The following HELQ variants were observed in gnomAD, a reference collection of about 807,000 sequenced individuals.
HELQ encodes the protein helicase, POLQ like, also known as helicase POLQ-like.
In HELQ, 77 loss-of-function variants were observed where a neutral mutation model predicts 111.6. The ratio of observed to expected loss-of-function variants is 0.69; its 90% CI spans 0.57 to 0.83. HELQ has a LOEUF of 0.83. HELQ is among the 40% of genes least tolerant of loss of function. The probability of loss-of-function intolerance (pLI) is 0.00; values close to 1 mark genes in which losing one functional copy is unlikely to be tolerated. For synonymous variants in HELQ, 438 were observed against 454.7 expected, an observed-to-expected ratio of 0.96 and a Z score of 0.47; for missense variants, 1,200 against 1,288.5, an observed-to-expected ratio of 0.93 and a Z score of 1.05.
intron 15 of HELQ, among the ~76,000 whole-genome samples, chr4:83,419,226 C>T (rs1323820727): frequency 2.0e-5 from 3 of 147,624 alleles, no homozygotes; most frequent in Non-Finnish European, 3.0e-5. Flanking sequence ...TGGCTCAAGA[C>T]GATTCTTCTT....
intron 9 of HELQ, 48 bp from the exon 10 acceptor site, chr4:83,432,315 TA>T: frequency 7.3e-7 from 1 of 1,361,350 alleles, no homozygotes; most frequent in Non-Finnish European, 9.6e-7. Context: ...AGCACCAATT[TA>T]AAAAATTCTT....
chr4:83,433,438 G>A (rs975194105), intron 9 of HELQ, among the ~76,000 whole-genome samples: 1 of 151,962 alleles, frequency 6.6e-6, no homozygotes, highest in Non-Finnish European at 1.5e-5. Flanking sequence ...GAGGCTGAGG[G>A]GGGCGGATCA....
Position 83,453,953 on chromosome 4 carries a change from G to T in HELQ, c.298-8C>A. 1 of 1,539,562 alleles carries T rather than the reference G, an allele frequency of 6.5e-7. No homozygotes were observed. Among genetic ancestry groups the T allele is most frequent in the Non-Finnish European group, 8.9e-7 (1 of 1,124,406 alleles). On this transcript the variant is annotated splice_region_variant and splice_polypyrimidine_tract_variant and intron_variant, in intron 1 of 17. Transcript: ENST00000295488. ...CACTTCACTGTCATTAGGCTGCAAA[G>T]AGAACAAAAACGCTTATGGTCAATT...
intron 13 of HELQ, among the ~76,000 whole-genome samples, chr4:83,427,304 AT>A (rs1159016709): frequency 1.3e-5 from 2 of 152,334 alleles, no homozygotes; most frequent in African/African-American, 4.8e-5. Flanking sequence ...AAAGAAAAAA[AT>A]ATCCAATTCC....
chr4:83,442,346 T>C (rs1205350106), intron 6 of HELQ, among the ~76,000 whole-genome samples: 10 of 149,004 alleles, frequency 6.7e-5, no homozygotes, highest in Admixed American at 4.7e-4. Flanking sequence ...CAGCTTACTG[T>C]ATCCTCAACC....
At position 83,439,884 on chromosome 4, in the gene HELQ, A is replaced by C; in HGVS notation, c.1787T>G (p.Met596Arg). The C allele has an allele frequency of 6.3e-7, 1 of 1,591,028 alleles. No individual in the cohort carries two copies. The highest frequency in any genetic ancestry group is 8.6e-7 in the Non-Finnish European group (1 of 1,163,670). ...SKKNCENVAEMICKFLSKEYL... is the reference protein window; with the variant it reads ...SKKNCENVAERICKFLSKEYL... ...ATACTTGCTTAAAAATTTGCATATCATTTCTGCTACATTTTCACAGTTCTT... is the reference window on the plus strand; with the variant it reads ...ATACTTGCTTAAAAATTTGCATATCCTTTCTGCTACATTTTCACAGTTCTT... The change falls in exon 8 of 18, where the codon ATG (methionine) becomes AGG (arginine). Residue 596 changes from methionine (M) to arginine (R), a missense_variant. Transcript: ENST00000295488.
Position 83,449,154 on chromosome 4 carries a change from C to T in HELQ, c.1013-193G>A, listed in dbSNP as rs113510001. On this transcript the variant is annotated intron_variant, in intron 2 of 17. Coordinates refer to ENST00000295488, the MANE Select transcript of HELQ (RefSeq NM_133636.5). The stretch of plus-strand genomic sequence containing the variant: ...ACAGCCAGTGAGAGCCTAGTTCAGG[C>T]CTAGGCAGCAAGGTGGGCAACCAGC... Among the ~76,000 whole-genome samples, 706 of 152,300 alleles carry T rather than the reference C, an allele frequency of 4.6e-3. 7 individuals are homozygous for T. Among genetic ancestry groups the T allele is most frequent in the African/African-American group, 0.016 (672 of 41,554 alleles).
intron 11 of HELQ, among the ~76,000 whole-genome samples, chr4:83,430,584 T>C (rs1720089567): frequency 6.6e-6 from 1 of 152,184 alleles, no homozygotes; most frequent in African/African-American, 2.4e-5. Context: ...TATACTAAAA[T>C]ATAGTCAATC....
intron 8 of HELQ, among the ~76,000 whole-genome samples, chr4:83,438,748 G>GAAAAA (rs200715200): frequency 3.8e-4 from 40 of 104,256 alleles, no homozygotes; most frequent in African/African-American, 1.4e-3. Flanking sequence ...CCTGTCTCAG[G>GAAAAA]AAAAAAAAAA....
chr4:83,451,585 G>A (rs566399374), intron 2 of HELQ, among the ~76,000 whole-genome samples: 7 of 151,836 alleles, frequency 4.6e-5, no homozygotes, highest in Non-Finnish European at 7.4e-5. Flanking sequence ...AAAATGGCGC[G>A]AACCCAGGAG....
At chr4:83,450,540 C>T (rs923518296) in intron 2 of HELQ, among the ~76,000 whole-genome samples, 2 of 151,844 alleles carry the variant, frequency 1.3e-5, no homozygotes, top group Non-Finnish European at 2.9e-5. Context: ...ATTGGTATCA[C>T]CCGAGTTATC....
At chr4:83,440,515 T>C (rs1720706084) in intron 7 of HELQ, among the ~76,000 whole-genome samples, 1 of 152,230 alleles carries the variant, frequency 6.6e-6, no homozygotes, top group Non-Finnish European at 1.5e-5. Flanking sequence ...AGAAAAAATG[T>C]GAAGTTATTT....
chr4:83,437,043 C>T lies in HELQ; in HGVS notation c.1863G>A (p.Lys621=). The T allele has an allele frequency of 3.1e-6, 5 of 1,613,812 alleles. No homozygotes were observed. Among genetic ancestry groups the T allele is most frequent in the Non-Finnish European group, 4.2e-6 (5 of 1,179,810 alleles). ...KEKCEVIKNL[K]NIGNGNLCPV... ...GACACAGGTTGCCATTGCCAATATT[C>T]TTCAAGTTCTTAATCACCTCACATT... The change falls in exon 9 of 18, where the codon AAG becomes AAA. Residue 621 remains lysine, a synonymous_variant. Transcript: ENST00000295488.
intron 7 of HELQ, among the ~76,000 whole-genome samples, chr4:83,440,732 T>C (rs1038810965): frequency 3.3e-5 from 5 of 152,228 alleles, no homozygotes; most frequent in African/African-American, 1.2e-4. Context: ...TTGTTGTTGT[T>C]GTTGTATGAA....
chr4:83,455,126 T>C, intron 1 of HELQ: 2 of 466,248 alleles, frequency 4.3e-6, no homozygotes, highest in Non-Finnish European at 7.5e-6. Flanking sequence ...GCAGATTTTA[T>C]TTGTACAGTA....
chr4:83,432,917 G>A (rs1327407402), intron 9 of HELQ, among the ~76,000 whole-genome samples: 1 of 151,948 alleles, frequency 6.6e-6, no homozygotes, highest in African/African-American at 2.4e-5. Flanking sequence ...AAAACTGGCT[G>A]GGCATGGTAG....
chr4:83,428,106 T>C (rs1719942937), intron 12 of HELQ, among the ~76,000 whole-genome samples: 1 of 152,152 alleles, frequency 6.6e-6, no homozygotes, highest in Non-Finnish European at 1.5e-5. Flanking sequence ...AAAAATGAGA[T>C]AGATTTAAAG....
intron 4 of HELQ, 146 bp from the exon 5 acceptor site, chr4:83,446,232 T>C (rs1246877888): frequency 5.1e-6 from 3 of 592,772 alleles, no homozygotes; most frequent in Non-Finnish European, 8.9e-6. Context: ...AATACATGTA[T>C]ATTATTTCAC....
At chr4:83,450,222 T>TAAAAAAAAAAAAAAAAAAAAAAA (rs71668650) in intron 2 of HELQ, among the ~76,000 whole-genome samples, 3 of 45,608 alleles carry the variant, frequency 6.6e-5, no homozygotes, top group Admixed American at 4.4e-4. Context: ...CAGTTAAGTT[T>TAAAAAAAAAAAAAAAAAAAAAAA]AAAAAAAAAA....
Sources: allele counts gnomAD v4.1 joint callset (sites outside exome capture counted in the v4.1 genomes callset), GRCh38; gene constraint gnomAD v4.1.1; transcripts MANE v1.5; gene names NCBI Gene and HGNC (gene_info 2026-07-23, HGNC 2026-07-21).